Variants in ALPK1 observed in about 807,000 individuals in gnomAD.
The protein encoded by ALPK1 is alpha-protein kinase 1.
Under a neutral mutation model 120.6 loss-of-function variants are expected in ALPK1, and 110 were observed. That is an observed-to-expected ratio of 0.91 (90% CI 0.78 to 1.07). The LOEUF is 1.07. ALPK1 is among the 50% of genes least tolerant of loss of function. The pLI is 0.00. For missense variants in ALPK1, 1,498 were observed against 1,483.9 expected, an observed-to-expected ratio of 1.01 and a Z score of -0.16; for synonymous variants, 582 against 560.3, an observed-to-expected ratio of 1.04 and a Z score of -0.55.
chr4:112,335,932 T>C (rs1387776477), intron 2 of ALPK1, among the ~76,000 whole-genome samples: 2 of 152,178 alleles, frequency 1.3e-5, no homozygotes, highest in African/African-American at 2.4e-5. Context: ...TTATTTTTTA[T>C]AGCATGTAAG....
intron 1 of ALPK1, among the ~76,000 whole-genome samples, chr4:112,313,447 G>A (rs1453023179): frequency 1.3e-5 from 2 of 152,222 alleles, no homozygotes; most frequent in Non-Finnish European, 2.9e-5. Context: ...TGGAGGCCGG[G>A]CATGGTGGCT....
intron 2 of ALPK1, chr4:112,359,052 C>T (rs1364865048): frequency 5.3e-6 from 4 of 758,598 alleles, no homozygotes; most frequent in African/African-American, 3.4e-5. Flanking sequence ...CCAAAGGCAG[C>T]GGACACAGCC....
intron 2 of ALPK1, among the ~76,000 whole-genome samples, chr4:112,344,434 A>C (rs1218424307): frequency 6.6e-6 from 1 of 152,194 alleles, no homozygotes; most frequent in East Asian, 1.9e-4. Context: ...TAAAGTATGG[A>C]GTTTGATAAT....
chr4:112,364,175 A>T (rs1359500770), intron 2 of ALPK1, among the ~76,000 whole-genome samples: 1 of 152,054 alleles, frequency 6.6e-6, no homozygotes, highest in Non-Finnish European at 1.5e-5. Flanking sequence ...AACAAAGCAA[A>T]CACAAACCCA....
intron 1 of ALPK1, among the ~76,000 whole-genome samples, chr4:112,309,626 G>A (rs1728307371): frequency 6.6e-6 from 1 of 152,036 alleles, no homozygotes; most frequent in Admixed American, 6.6e-5. Context: ...CATTGCTCAC[G>A]CTGGGAGCTG....
At chr4:112,439,494 T>G (rs1383365385) in intron 13 of ALPK1, among the ~76,000 whole-genome samples, 192 bp from the exon 14 acceptor site, 1 of 152,250 alleles carries the variant, frequency 6.6e-6, no homozygotes, top group Non-Finnish European at 1.5e-5. Context: ...TTAAGCATTT[T>G]ACATGCATTT....
rs185177814 is a variant in ALPK1, at chr4:112,378,632, C to T, written c.121+734C>T. Among the ~76,000 whole-genome samples the T allele has an allele frequency of 9.2e-5, 14 of 152,176 alleles. No homozygotes were observed. The East Asian group carries it at 2.7e-3, about 29-fold the overall frequency. On this transcript the variant is annotated intron_variant, in intron 3 of 15. Coordinates refer to ENST00000650871, the MANE Select transcript of ALPK1 (RefSeq NM_025144.4). Reference sequence around the variant, plus strand: ...TAGCATTTGAATAAATTTTCCTCCACTTCCATAAGTACTGTCCTTTGTACA... The same window carrying T: ...TAGCATTTGAATAAATTTTCCTCCATTTCCATAAGTACTGTCCTTTGTACA...
At chr4:112,363,319 A>G (rs558433591) in intron 2 of ALPK1, among the ~76,000 whole-genome samples, 6 of 152,314 alleles carry the variant, frequency 3.9e-5, no homozygotes, top group Admixed American at 1.3e-4. Context: ...TAACTCACCA[A>G]CCACATAAGG....
chr4:112,370,541 A>G (rs1304268819), intron 2 of ALPK1, among the ~76,000 whole-genome samples: 2 of 152,218 alleles, frequency 1.3e-5, no homozygotes, highest in Admixed American at 6.5e-5. Context: ...AGGGGAGGAA[A>G]AACTGATATG....
At chr4:112,368,762 T>A (rs1261528540) in intron 2 of ALPK1, among the ~76,000 whole-genome samples, 1 of 152,204 alleles carries the variant, frequency 6.6e-6, no homozygotes, top group South Asian at 2.1e-4. Flanking sequence ...CACAGACAAT[T>A]TTCCTGGGAG....
intron 3 of ALPK1, among the ~76,000 whole-genome samples, chr4:112,382,138 T>C (rs1398076500): frequency 6.6e-6 from 1 of 152,188 alleles, no homozygotes; most frequent in Non-Finnish European, 1.5e-5. Flanking sequence ...TACTTCCTGC[T>C]AAAAACCTTT....
chr4:112,395,922 G>A (rs1160445857), intron 4 of ALPK1, among the ~76,000 whole-genome samples: 2 of 152,110 alleles, frequency 1.3e-5, no homozygotes, highest in African/African-American at 4.8e-5. Flanking sequence ...GCAAATTTCT[G>A]CCTTCCCTAA....
intron 4 of ALPK1, among the ~76,000 whole-genome samples, chr4:112,390,726 A>G (rs1274846905): frequency 6.6e-6 from 1 of 152,224 alleles, no homozygotes; most frequent in African/African-American, 2.4e-5. Context: ...CAGTCAGACA[A>G]TTGTCTAGGT....
chr4:112,440,983 A>G lies in ALPK1; in HGVS notation c.3605A>G (p.Gln1202Arg). The change falls in exon 15 of 16, where the codon CAG (glutamine) becomes CGG (arginine). Residue 1202 changes from glutamine to arginine, a missense_variant. Transcript: ENST00000650871. ...GATCCCCAGATTCACTCCGTTGATC[A>G]GAAAGTTTTCACTACCAATTTTGGA... ...LTDPQIHSVD[Q>R]KVFTTNFGKR... 1 of 1,614,042 alleles carries G rather than the reference A, an allele frequency of 6.2e-7. No homozygotes were observed. The highest frequency in any genetic ancestry group is 8.5e-7 in the Non-Finnish European group (1 of 1,179,930).
rs80323327 is a variant in ALPK1, at chr4:112,315,240, C to T, written c.-152-561C>T. Among the ~76,000 whole-genome samples, 245 of 152,254 alleles carry T rather than the reference C, an allele frequency of 1.6e-3. 2 individuals are homozygous for T. The highest frequency in any genetic ancestry group is 5.6e-3 in the African/African-American group (231 of 41,552). ...TTATTATTGCAAACTTCTTTAGCAACATTTTTGTATAAATAACTGGGGGAT... is the reference window on the plus strand; with the variant it reads ...TTATTATTGCAAACTTCTTTAGCAATATTTTTGTATAAATAACTGGGGGAT... On this transcript the variant is annotated intron_variant, in intron 1 of 15. Transcript: ENST00000650871.
intron 4 of ALPK1, among the ~76,000 whole-genome samples, chr4:112,407,309 T>G (rs1733228385): frequency 6.6e-6 from 1 of 152,144 alleles, no homozygotes; most frequent in Non-Finnish European, 1.5e-5. Context: ...TGTTATGCAT[T>G]TTTTACCACT....
chr4:112,384,026 A>T (rs1333538443), intron 4 of ALPK1: 1 of 152,248 alleles, frequency 6.6e-6, no homozygotes, highest in Non-Finnish European at 1.5e-5. Flanking sequence ...TACTAAATGT[A>T]TATTGCTTTC....
intron 2 of ALPK1, among the ~76,000 whole-genome samples, chr4:112,361,346 A>AC (rs1730903083): frequency 6.6e-6 from 1 of 152,226 alleles, no homozygotes; most frequent in South Asian, 2.1e-4. Flanking sequence ...CTGGAAATAA[A>AC]CCTGGTGCTG....
At chr4:112,388,264 G>T (rs1333901016) in intron 4 of ALPK1, among the ~76,000 whole-genome samples, 1 of 152,104 alleles carries the variant, frequency 6.6e-6, no homozygotes, top group African/African-American at 2.4e-5. Flanking sequence ...ATAAATATAA[G>T]AGTTGGTTAT....
Sources: gnomAD v4.1 joint callset for allele counts (sites outside exome capture counted in the v4.1 genomes callset) on GRCh38, gnomAD v4.1.1 for gene constraint, MANE v1.5 for transcripts, NCBI Gene and HGNC (gene_info 2026-07-23, HGNC 2026-07-21) for gene names.